MYO16: variants seen among roughly 807,000 people sequenced by gnomAD.
MYO16 encodes myosin XVI.
Under a neutral mutation model 205.3 loss-of-function variants are expected in MYO16, and 94 were observed. That is an observed-to-expected ratio of 0.46 (90% CI 0.39 to 0.54). The LOEUF (loss-of-function observed/expected upper bound fraction) is 0.54, where lower values mean the gene tolerates loss of function less well. Among genes scored for constraint, MYO16 ranks in the 20% least tolerant of loss-of-function variants. MYO16 has a pLI of 0.00. For synonymous variants in MYO16, 988 were observed against 954.0 expected, an observed-to-expected ratio of 1.04 and a Z score of -0.66; for missense variants, 2,315 against 2,387.5, an observed-to-expected ratio of 0.97 and a Z score of 0.63.
At chr13:108,842,059 G>A (rs1877269449) in intron 9 of MYO16, among the ~76,000 whole-genome samples, 1 of 152,012 alleles carries the variant, frequency 6.6e-6, no homozygotes, top group African/African-American at 2.4e-5. Flanking sequence ...CTTACACCAT[G>A]TAGAAAAATT....
chr13:108,977,791 A>G (rs981783270), intron 20 of MYO16, among the ~76,000 whole-genome samples: 93 of 151,704 alleles, frequency 6.1e-4, no homozygotes, highest in African/African-American at 2.1e-3. Context: ...CATAAGTTCT[A>G]TTTTTCTTAT....
At chr13:109,048,320 T>C (rs1887118142) in intron 24 of MYO16, 1 of 642,710 alleles carries the variant, frequency 1.6e-6, no homozygotes, top group East Asian at 2.6e-5. Flanking sequence ...CAATTCAGTC[T>C]TTTTTTTTAT....
At chr13:109,092,975 A>G (rs540792742) in intron 27 of MYO16, among the ~76,000 whole-genome samples, 2 of 152,304 alleles carry the variant, frequency 1.3e-5, no homozygotes, top group African/African-American at 2.4e-5. Flanking sequence ...AAGACTATCT[A>G]TGATGTGGCT....
At chr13:109,184,122 A>G (rs1012696238) in intron 34 of MYO16, among the ~76,000 whole-genome samples, 1 of 152,200 alleles carries the variant, frequency 6.6e-6, no homozygotes, top group African/African-American at 2.4e-5. Context: ...TTAATCATTA[A>G]ACGATAATTC....
At chr13:108,849,812 T>G (rs1428289277) in intron 10 of MYO16, among the ~76,000 whole-genome samples, 3 of 151,536 alleles carry the variant, frequency 2.0e-5, no homozygotes, top group African/African-American at 4.9e-5. Context: ...TTCCTCTTTT[T>G]TTGTGTGTGT....
Position 108,677,514 on chromosome 13 carries a change from T to A in MYO16, c.292+11365T>A, listed in dbSNP as rs747982129. Among the ~76,000 whole-genome samples, 7 of 151,750 alleles carry A rather than the reference T, an allele frequency of 4.6e-5. No individual in the cohort carries two copies. In the South Asian group the frequency reaches 6.2e-4, roughly 14 times the overall value. On this transcript the variant is annotated intron_variant, in intron 2 of 34. Transcript: ENST00000457511. Reference sequence around the variant, plus strand: ...GTATATATACTTACATATACCTGTGTGTATTTATACATGCACATATATATT... The same window carrying A: ...GTATATATACTTACATATACCTGTGAGTATTTATACATGCACATATATATT...
chr13:108,624,752 T>C (rs1879667355), upstream of MYO16, among the ~76,000 whole-genome samples: 1 of 151,146 alleles, frequency 6.6e-6, no homozygotes, highest in South Asian at 2.1e-4. Context: ...CAAATGCCCT[T>C]AAGGAGCAAT....
chr13:108,687,501 A>G (rs965569770), intron 2 of MYO16, among the ~76,000 whole-genome samples: 1 of 145,096 alleles, frequency 6.9e-6, no homozygotes, highest in Admixed American at 7.2e-5. Context: ...TTTAAGATTC[A>G]AAATTCCTGT....
intron 29 of MYO16, among the ~76,000 whole-genome samples, chr13:109,121,678 C>T (rs758468275): frequency 5.9e-5 from 9 of 152,214 alleles, no homozygotes; most frequent in Non-Finnish European, 1.0e-4. Flanking sequence ...AGGGGCCTGG[C>T]AGGAGCCATT....
chr13:108,701,669 A>T (rs556486635), intron 2 of MYO16, among the ~76,000 whole-genome samples: 11 of 152,350 alleles, frequency 7.2e-5, no homozygotes, highest in African/African-American at 2.6e-4. Context: ...TATTCAAATA[A>T]ACAAGAAAGT....
intron 2 of MYO16, among the ~76,000 whole-genome samples, chr13:108,708,444 T>C (rs975608580): frequency 4.6e-5 from 7 of 152,230 alleles, no homozygotes; most frequent in Non-Finnish European, 8.8e-5. Context: ...CATTGTAACT[T>C]CTTTATTTAG....
chr13:109,011,591 T>G (rs1327071193), intron 22 of MYO16, among the ~76,000 whole-genome samples: 1 of 151,014 alleles, frequency 6.6e-6, no homozygotes, highest in African/African-American at 2.4e-5. Flanking sequence ...CTCGGCTCAC[T>G]GCAGCCTCTG....
In MYO16 at chr13:109,113,511, T is replaced by G. The variant is rs1006259446; in HGVS notation, c.3439-6859T>G. On this transcript the variant is annotated intron_variant, in intron 28 of 34. Coordinates refer to ENST00000457511, the MANE Select transcript of MYO16 (RefSeq NM_001198950.3). ...ATAATGAGATTGATATTTAGAAAGATCACGCTGAATATAGTTTAAAAAATG... is the reference window on the plus strand; with the variant it reads ...ATAATGAGATTGATATTTAGAAAGAGCACGCTGAATATAGTTTAAAAAATG... Among the ~76,000 whole-genome samples, 8 of 152,282 alleles carry G rather than the reference T, an allele frequency of 5.3e-5. No homozygotes were observed. The East Asian group carries it at 1.2e-3, about 22-fold the overall frequency.
chr13:108,836,634 G>A (rs1876934098), intron 9 of MYO16, among the ~76,000 whole-genome samples: 1 of 152,194 alleles, frequency 6.6e-6, no homozygotes, highest in African/African-American at 2.4e-5. Context: ...CAGGGACAGA[G>A]CTACCCAAGG....
chr13:108,668,575 C>G (rs141248168), intron 2 of MYO16, among the ~76,000 whole-genome samples: 18 of 152,290 alleles, frequency 1.2e-4, no homozygotes, highest in Non-Finnish European at 2.2e-4. Flanking sequence ...CTTCCGGAGG[C>G]CACCTGCCTT....
the MYO16 span, among the ~76,000 whole-genome samples, chr13:108,522,846 CT>C: frequency 1.3e-5 from 2 of 152,036 alleles, no homozygotes; most frequent in Non-Finnish European, 2.9e-5. Flanking sequence ...AAAGCCTACT[CT>C]CATAACCTCA....
At position 108,806,662 on chromosome 13, in the gene MYO16, A is replaced by T; in HGVS notation, c.742-17A>T. 6.2e-7 allele frequency: 1 copy of T among 1,609,616 alleles called. No homozygotes were observed. The highest frequency in any genetic ancestry group is 8.5e-7 in the Non-Finnish European group (1 of 1,176,768). On this transcript the variant is annotated splice_polypyrimidine_tract_variant and intron_variant, in intron 6 of 34. Coordinates refer to ENST00000457511, the MANE Select transcript of MYO16 (RefSeq NM_001198950.3). ...CTACTTTAAAAAAATGAATAATAAG[A>T]TGTCTCTTCGCTGCAGTTACACATG...
chr13:109,127,179 C>T lies in MYO16; in HGVS notation c.3783-103C>T. 1 of 1,406,382 alleles carries T rather than the reference C, an allele frequency of 7.1e-7. No individual in the cohort carries two copies. Among genetic ancestry groups the T allele is most frequent in the Non-Finnish European group, 9.4e-7 (1 of 1,066,454 alleles). The allele number at this position is 1,406,382 out of a possible 1,614,324, so 87.1% of individuals were successfully genotyped here. On this transcript the variant is annotated intron_variant, in intron 30 of 34. Coordinates refer to ENST00000457511, the MANE Select transcript of MYO16 (RefSeq NM_001198950.3). The surrounding 1 kb of genome is among the most constrained non-coding windows in gnomAD (Gnocchi z 4.2). ...AGCCACAGCAGGAAGGGCTGCTTGCCAAAAAGCCGTCATTATGTCTGCTTG... is the reference window on the plus strand; with the variant it reads ...AGCCACAGCAGGAAGGGCTGCTTGCTAAAAAGCCGTCATTATGTCTGCTTG...
At chr13:109,022,719 A>G (rs1594477906) in intron 23 of MYO16, among the ~76,000 whole-genome samples, 1 of 61,110 alleles carries the variant, frequency 1.6e-5, no homozygotes, top group Non-Finnish European at 3.7e-5. Flanking sequence ...ATATACGCAT[A>G]TAAACATATG....
Sources: allele counts gnomAD v4.1 joint callset (sites outside exome capture counted in the v4.1 genomes callset), GRCh38; gene constraint gnomAD v4.1.1; non-coding constraint Gnocchi (gnomAD v3.1); transcripts MANE v1.5; gene names NCBI Gene and HGNC (gene_info 2026-07-23, HGNC 2026-07-21).